The following CCSER2 variants were observed in gnomAD, a reference collection of about 807,000 sequenced individuals.
CCSER2 encodes coiled-coil serine rich protein 2, also known as serine-rich coiled-coil domain-containing protein 2.
In CCSER2, 46 loss-of-function variants were observed where a neutral mutation model predicts 92.3. The observed-to-expected ratio is 0.50, with a 90% CI of 0.39 to 0.64. The LOEUF (loss-of-function observed/expected upper bound fraction) is 0.64, where lower values mean the gene tolerates loss of function less well. Among genes scored for constraint, CCSER2 ranks in the 30% least tolerant of loss-of-function variants. The probability of loss-of-function intolerance (pLI) is 0.00; values close to 1 mark genes in which losing one functional copy is unlikely to be tolerated. For missense variants in CCSER2, 1,244 were observed against 1,238.9 expected (o/e 1.00, Z -0.06); for synonymous variants, 433 against 431.4 (o/e 1.00, Z -0.04).
In CCSER2 at chr10:84,371,456, C is replaced by T. The variant is rs1012955382; in HGVS notation, c.404C>T (p.Thr135Ile). 1 of 1,613,874 alleles carries T rather than the reference C, an allele frequency of 6.2e-7. No homozygotes were observed. Among genetic ancestry groups the T allele is most frequent in the African/African-American group, 1.3e-5 (1 of 75,040 alleles). The stretch of plus-strand genomic sequence containing the variant: ...CCATCCACTATGTTTGTGTCATCTA[C>T]AGAGGAGTTAAACCAAAAGTCTTTT... ...AKPSTMFVSS[T>I]EELNQKSFSG... Residue 135 changes from threonine to isoleucine, a missense_variant, in exon 2 of 10, where the codon ACA becomes ATA. Coordinates refer to ENST00000372088, the MANE Select transcript of CCSER2 (RefSeq NM_001284240.2).
Position 84,517,144 on chromosome 10 carries a change from A to G in CCSER2, c.*2877A>G, listed in dbSNP as rs1464444727. 6.6e-6 allele frequency: 1 copy of G among 152,228 alleles called. No homozygotes were observed. Among genetic ancestry groups the G allele is most frequent in the African/African-American group, 2.4e-5 (1 of 41,464 alleles). 9.4% of individuals were successfully genotyped at this position (152,228 alleles called of 1,614,324 possible). The stretch of plus-strand genomic sequence containing the variant: ...TGGTATCAATGAAGATAGTTACAGT[A>G]TATGAATTCTAAGTCCTGAGGAAGA... On this transcript the variant is annotated 3_prime_UTR_variant, in exon 10 of 10. Transcript: ENST00000372088.
chr10:84,449,150 G>C (rs914456641), intron 6 of CCSER2, among the ~76,000 whole-genome samples: 5 of 152,028 alleles, frequency 3.3e-5, no homozygotes, highest in African/African-American at 1.2e-4. Context: ...CGAGGTAGGT[G>C]GATCACCTGG....
intron 9 of CCSER2, among the ~76,000 whole-genome samples, chr10:84,499,722 T>A (rs1316011016): frequency 6.6e-6 from 1 of 152,248 alleles, no homozygotes; most frequent in South Asian, 2.1e-4. Flanking sequence ...TTTTAGTAAT[T>A]TGAGCTGCCT....
At chr10:84,357,319 A>G (rs902695651) in intron 1 of CCSER2, among the ~76,000 whole-genome samples, 5 of 152,200 alleles carry the variant, frequency 3.3e-5, no homozygotes, top group Non-Finnish European at 2.9e-5. Context: ...TAGTCGAATA[A>G]TTGGGGCTGA....
intron 9 of CCSER2, among the ~76,000 whole-genome samples, chr10:84,478,317 T>C (rs1847273446): frequency 6.6e-6 from 1 of 152,176 alleles, no homozygotes. Flanking sequence ...AGCCAGAGAA[T>C]TATCATATGG....
At chr10:84,467,152 C>T (rs550538428) in intron 7 of CCSER2, among the ~76,000 whole-genome samples, 44 of 152,284 alleles carry the variant, frequency 2.9e-4, no homozygotes, top group African/African-American at 1.0e-3. Flanking sequence ...ATGCTGTAGA[C>T]GTTTGACATG....
chr10:84,385,839 A>T (rs955108491), intron 3 of CCSER2, among the ~76,000 whole-genome samples: 1 of 152,208 alleles, frequency 6.6e-6, no homozygotes, highest in South Asian at 2.1e-4. Context: ...CAAACCATGC[A>T]TCTGAAAAAT....
chr10:84,397,986 C>G (rs1841930851), intron 3 of CCSER2, among the ~76,000 whole-genome samples: 1 of 152,216 alleles, frequency 6.6e-6, no homozygotes, highest in Non-Finnish European at 1.5e-5. Flanking sequence ...TTCGTTTTCT[C>G]TGGCTGCTGT....
rs963355598 is a variant in CCSER2, at chr10:84,406,601, C to T, written c.1615-11170C>T. Among the ~76,000 whole-genome samples, 8 of 152,062 alleles carry T rather than the reference C, an allele frequency of 5.3e-5. No individual in the cohort carries two copies. The South Asian group carries it at 6.2e-4, about 12-fold the overall frequency. On this transcript the variant is annotated intron_variant, in intron 3 of 9. Transcript: ENST00000372088. Reference sequence around the variant, plus strand: ...AGAGTTTTAATTCCAGTCAGTCTTACGGGAAGCCTCTGGAAGCCAGAGAAT... The same window carrying T: ...AGAGTTTTAATTCCAGTCAGTCTTATGGGAAGCCTCTGGAAGCCAGAGAAT...
chr10:84,396,472 T>C (rs1841845450), intron 3 of CCSER2, among the ~76,000 whole-genome samples: 2 of 152,032 alleles, frequency 1.3e-5, no homozygotes, highest in Admixed American at 1.3e-4. Flanking sequence ...TTCTCAATCC[T>C]TTCAGCGTGA....
At chr10:84,402,616 A>G (rs896481205) in intron 3 of CCSER2, among the ~76,000 whole-genome samples, 6 of 152,218 alleles carry the variant, frequency 3.9e-5, no homozygotes, top group Non-Finnish European at 7.3e-5. Flanking sequence ...AACATCAATT[A>G]ATGACCTTTG....
intron 6 of CCSER2, among the ~76,000 whole-genome samples, chr10:84,445,054 AGTTT>A (rs1459628204): frequency 2.6e-5 from 4 of 152,226 alleles, no homozygotes; most frequent in African/African-American, 9.6e-5. Flanking sequence ...ACCTCTGTAT[AGTTT>A]ATTGCCTGAT....
At chr10:84,448,318 A>C (rs1376266173) in intron 6 of CCSER2, among the ~76,000 whole-genome samples, 1 of 152,104 alleles carries the variant, frequency 6.6e-6, no homozygotes. Flanking sequence ...CTGATTATGC[A>C]CATACACTCT....
intron 1 of CCSER2, among the ~76,000 whole-genome samples, chr10:84,338,709 T>C (rs1238973521): frequency 6.6e-6 from 1 of 152,202 alleles, no homozygotes; most frequent in Non-Finnish European, 1.5e-5. Context: ...TGAGCAACTT[T>C]TCCAGGGAAA....
At chr10:84,447,642 C>T (rs907626204) in intron 6 of CCSER2, among the ~76,000 whole-genome samples, 1 of 152,082 alleles carries the variant, frequency 6.6e-6, no homozygotes, top group Non-Finnish European at 1.5e-5. Flanking sequence ...ATATTCTATT[C>T]TTTTCTAAAA....
intron 1 of CCSER2, among the ~76,000 whole-genome samples, chr10:84,364,746 G>GTTT (rs34211688): frequency 1.5e-4 from 21 of 139,450 alleles, no homozygotes; most frequent in East Asian, 4.1e-4. Flanking sequence ...ATTTTTTTTT[G>GTTT]TTTTTTTTTT....
chr10:84,399,787 T>A (rs1273927414), intron 3 of CCSER2, among the ~76,000 whole-genome samples: 2 of 150,900 alleles, frequency 1.3e-5, no homozygotes, highest in Non-Finnish European at 3.0e-5. Flanking sequence ...CTTTGTTCTT[T>A]TACCTTTTTT....
chr10:84,479,333 G>A (rs1847328733), intron 9 of CCSER2, among the ~76,000 whole-genome samples: 1 of 152,202 alleles, frequency 6.6e-6, no homozygotes, highest in South Asian at 2.1e-4. Flanking sequence ...TAGGACTCTT[G>A]ACTGCTAGTT....
chr10:84,484,658 C>T (rs1304455605), intron 9 of CCSER2, among the ~76,000 whole-genome samples: 1 of 152,046 alleles, frequency 6.6e-6, no homozygotes, highest in Non-Finnish European at 1.5e-5. Flanking sequence ...TCTGGTCATA[C>T]AGTTATTTTT....
Sources: gnomAD v4.1 joint callset for allele counts (sites outside exome capture counted in the v4.1 genomes callset) on GRCh38, gnomAD v4.1.1 for gene constraint, MANE v1.5 for transcripts, NCBI Gene and HGNC (gene_info 2026-07-23, HGNC 2026-07-21) for gene names.